Variants in PCDHGB2 observed in about 807,000 individuals in gnomAD.
The protein encoded by PCDHGB2 is protocadherin gamma-B2.
A neutral mutation model predicts 59.3 loss-of-function variants in PCDHGB2; 55 were observed. That is an observed-to-expected ratio of 0.93 (90% CI 0.75 to 1.16). The LOEUF is 1.16. PCDHGB2 is among the 50% of genes most tolerant of loss of function. The pLI is 0.00. For missense variants in PCDHGB2, 1,228 were observed against 1,198.5 expected (o/e 1.02, Z -0.36); for synonymous variants, 516 against 512.0 (o/e 1.01, Z -0.11).
At chr5:141,367,190 T>C (rs1025427411) in intron 1 of PCDHGB2, 2 of 158,754 alleles carry the variant, frequency 1.3e-5, no homozygotes, top group South Asian at 1.8e-4. Flanking sequence ...AAGGAAATAA[T>C]TTACAGTATT....
intron 1 of PCDHGB2, chr5:141,422,076 G>C (rs2096622180): frequency 1.2e-6 from 2 of 1,612,270 alleles, no homozygotes; most frequent in South Asian, 1.1e-5. Flanking sequence ...ATTCATTTCG[G>C]AACATGGAAA....
At chr5:141,459,693 C>A (rs1014443574) in intron 1 of PCDHGB2, among the ~76,000 whole-genome samples, 1 of 152,210 alleles carries the variant, frequency 6.6e-6, no homozygotes, top group African/African-American at 2.4e-5. Flanking sequence ...AAGCGTTCCG[C>A]TTGCTACATT....
chr5:141,473,763 G>A (rs1333191998), intron 1 of PCDHGB2, among the ~76,000 whole-genome samples: 1 of 152,204 alleles, frequency 6.6e-6, no homozygotes, highest in African/African-American at 2.4e-5. Context: ...ACTATGCAAA[G>A]GATTTGGTAT....
chr5:141,367,417 G>A (rs1389870101), intron 1 of PCDHGB2: 5 of 152,198 alleles, frequency 3.3e-5, no homozygotes, highest in Non-Finnish European at 7.3e-5. Context: ...GGCGCCTGTA[G>A]TCCCAGCTAC....
Position 141,394,531 on chromosome 5 carries a change from C to T in PCDHGB2, c.2421+31975C>T, listed in dbSNP as rs1188248060. ...CCCGCCCTCCCCACAGACGGTTCCA[C>T]TGGCGTGGAGCTGGCGCCCCGCTCC... On this transcript the variant is annotated intron_variant, in intron 1 of 3. Transcript: ENST00000522605. 3 of 1,614,224 alleles carry T rather than the reference C, an allele frequency of 1.9e-6. No homozygotes were observed. In the South Asian group the frequency reaches 3.3e-5, roughly 18 times the overall value.
chr5:141,362,371 G>A lies in PCDHGB2; in HGVS notation c.2236G>A (p.Gly746Ser), dbSNP rs1016730976. ...GPGVLPNYSE[G>S]TLPYSYNLCV... ...TGGGGTTCTCCCCAATTACAGTGAG[G>A]GTACATTGCCCTATTCCTACAACCT... Residue 746 changes from glycine to serine, a missense_variant, in exon 1 of 4, where the codon GGT (glycine) becomes AGT (serine). By Grantham distance (56) the Gly-to-Ser change is moderately conservative. Coordinates refer to ENST00000522605, the MANE Select transcript of PCDHGB2 (RefSeq NM_018923.3). 22 of 1,614,012 alleles carry A rather than the reference G, an allele frequency of 1.4e-5. No individual in the cohort carries two copies. The highest frequency in any genetic ancestry group is 1.8e-5 in the Non-Finnish European group (21 of 1,179,894).
chr5:141,482,574 A>C (rs1294997781), intron 1 of PCDHGB2, among the ~76,000 whole-genome samples: 2 of 151,592 alleles, frequency 1.3e-5, no homozygotes, highest in Non-Finnish European at 2.9e-5. Context: ...GCATAGCATA[A>C]GATGCAGTGG....
intron 1 of PCDHGB2, chr5:141,421,164 A>G (rs1304650780): frequency 1.6e-6 from 2 of 1,286,298 alleles, no homozygotes; most frequent in African/African-American, 1.5e-5. Flanking sequence ...GACTTCATAG[A>G]TACATAAGCC....
chr5:141,365,658 C>T, intron 1 of PCDHGB2: 1 of 1,613,440 alleles, frequency 6.2e-7, no homozygotes, highest in Non-Finnish European at 8.5e-7. Context: ...TTGAAAGTAG[C>T]AGACGTTAAT....
intron 1 of PCDHGB2, among the ~76,000 whole-genome samples, chr5:141,433,837 CAA>C (rs56191208): frequency 1.4e-4 from 16 of 111,664 alleles, no homozygotes; most frequent in Non-Finnish European, 1.2e-4. Context: ...AACTCTATCT[CAA>C]AAAAAAAAAA....
rs370932300 is a variant in PCDHGB2, at chr5:141,459,955, G to A, written c.2422-34852G>A. Among the ~76,000 whole-genome samples, 15 of 152,316 alleles carry A rather than the reference G, an allele frequency of 9.8e-5. No homozygotes were observed. The East Asian group carries it at 2.3e-3, about 24-fold the overall frequency. The stretch of plus-strand genomic sequence containing the variant: ...TAGCTGGGCGTGATGGCAGGTGCCT[G>A]TAATCCCAGCTACTCAGGAGGCTGA... On this transcript the variant is annotated intron_variant, in intron 1 of 3. Coordinates refer to ENST00000522605, the MANE Select transcript of PCDHGB2 (RefSeq NM_018923.3).
chr5:141,361,653 C>A lies in PCDHGB2; in HGVS notation c.1518C>A (p.Ser506=). 2 of 1,613,770 alleles carry A rather than the reference C, an allele frequency of 1.2e-6. No homozygotes were observed. The highest frequency in any genetic ancestry group is 1.7e-6 in the Non-Finnish European group (2 of 1,179,898). The change falls in exon 1 of 4, where the codon TCC becomes TCA. Residue 506 remains serine, a synonymous_variant. Coordinates refer to ENST00000522605, the MANE Select transcript of PCDHGB2 (RefSeq NM_018923.3). ...LKPREILSYV[S]VSAQSGVVFA... Reference sequence around the variant, plus strand: ...CGCGGGAGATTTTATCCTACGTGTCCGTGAGCGCGCAGAGCGGGGTGGTGT... The same window carrying A: ...CGCGGGAGATTTTATCCTACGTGTCAGTGAGCGCGCAGAGCGGGGTGGTGT...
intron 1 of PCDHGB2, among the ~76,000 whole-genome samples, chr5:141,468,130 G>C (rs1312004369): frequency 6.6e-6 from 1 of 151,878 alleles, no homozygotes; most frequent in Admixed American, 6.6e-5. Context: ...TTTGAGACCA[G>C]CCTGGCCAAC....
chr5:141,388,555 G>A, intron 1 of PCDHGB2: 1 of 1,613,826 alleles, frequency 6.2e-7, no homozygotes, highest in Non-Finnish European at 8.5e-7. Context: ...CCCCTAAGCA[G>A]CACTGCACAG....
intron 1 of PCDHGB2, among the ~76,000 whole-genome samples, chr5:141,472,274 G>A (rs1170341842): frequency 6.6e-6 from 1 of 152,176 alleles, no homozygotes; most frequent in Admixed American, 6.5e-5. Flanking sequence ...GGGCACAGTG[G>A]CTCACACCTG....
chr5:141,397,268 T>A (rs532503951), intron 1 of PCDHGB2, among the ~76,000 whole-genome samples: 2 of 152,298 alleles, frequency 1.3e-5, no homozygotes, highest in South Asian at 4.1e-4. Context: ...CTTAGCTACA[T>A]CATATGGGCA....
At chr5:141,445,364 C>T (rs1374418361) in intron 1 of PCDHGB2, among the ~76,000 whole-genome samples, 1 of 152,158 alleles carries the variant, frequency 6.6e-6, no homozygotes, top group African/African-American at 2.4e-5. Flanking sequence ...CAAGTCTGGT[C>T]CTGGGTGGTT....
At chr5:141,423,008 C>A in intron 1 of PCDHGB2, 13 of 1,614,214 alleles carry the variant, frequency 8.1e-6, no homozygotes, top group Non-Finnish European at 1.1e-5. Flanking sequence ...AAGGTGGTTG[C>A]GGTGGACAAA....
At chr5:141,365,465 A>G in intron 1 of PCDHGB2, 1 of 1,614,024 alleles carries the variant, frequency 6.2e-7, no homozygotes, top group South Asian at 1.1e-5. Context: ...TTCTGGAGAA[A>G]ATGGTGAGAT....
Sources: allele counts gnomAD v4.1 joint callset (sites outside exome capture counted in the v4.1 genomes callset), GRCh38; gene constraint gnomAD v4.1.1; transcripts MANE v1.5; gene names NCBI Gene and HGNC (gene_info 2026-07-23, HGNC 2026-07-21).